TFDP2: variants seen among roughly 807,000 people sequenced by gnomAD.
TFDP2 encodes the protein transcription factor Dp-2 (E2F dimerization partner 2).
Under a neutral mutation model 59.3 loss-of-function variants are expected in TFDP2, and 17 were observed. The ratio of observed to expected loss-of-function variants is 0.29; its 90% CI spans 0.20 to 0.43. The LOEUF (loss-of-function observed/expected upper bound fraction) is 0.43, where lower values mean the gene tolerates loss of function less well. Ranked by LOEUF, TFDP2 falls within the 20% of genes least tolerant of loss-of-function variation. The probability of loss-of-function intolerance (pLI) is 1.00; values close to 1 mark genes in which losing one functional copy is unlikely to be tolerated. For missense variants in TFDP2, 391 were observed against 528.8 expected, an observed-to-expected ratio of 0.74 and a Z score of 2.56; for synonymous variants, 180 against 194.7, an observed-to-expected ratio of 0.92 and a Z score of 0.63.
intron 1 of TFDP2, among the ~76,000 whole-genome samples, chr3:142,116,637 T>C (rs1206521779): frequency 6.6e-6 from 1 of 152,200 alleles, no homozygotes; most frequent in Non-Finnish European, 1.5e-5. Flanking sequence ...CATTTTGTTA[T>C]GGTGGTCCTA....
chr3:142,065,490 C>G (rs757194588), intron 3 of TFDP2, among the ~76,000 whole-genome samples: 5 of 148,280 alleles, frequency 3.4e-5, no homozygotes, highest in East Asian at 4.0e-4. Context: ...ACCATTCACT[C>G]TGTGTGTGTG....
At chr3:142,119,598 T>C (rs752542452) in intron 1 of TFDP2, among the ~76,000 whole-genome samples, 11 of 152,346 alleles carry the variant, frequency 7.2e-5, no homozygotes, top group Non-Finnish European at 1.2e-4. Flanking sequence ...TTAAAGTAGC[T>C]GGGTGTGGTG....
In TFDP2 at chr3:141,952,474, A is replaced by G; in HGVS notation, c.*39T>C. On this transcript the variant is annotated 3_prime_UTR_variant, in exon 13 of 13. Coordinates refer to ENST00000489671, the MANE Select transcript of TFDP2 (RefSeq NM_001178139.2). ...ACAAGAGCTCACACTACAAACACAC[A>G]TGAGCATCACATATTGAAACGTAGG... The G allele has an allele frequency of 2.7e-6, 4 of 1,489,090 alleles. No individual in the cohort carries two copies. The highest frequency in any genetic ancestry group is 3.6e-4 in the Middle Eastern group (2 of 5,562). The allele number at this position is 1,489,090 out of a possible 1,614,324, so 92.2% of individuals were successfully genotyped here.
chr3:142,138,894 G>A (rs962523175), intron 1 of TFDP2, among the ~76,000 whole-genome samples: 1 of 152,186 alleles, frequency 6.6e-6, no homozygotes, highest in Non-Finnish European at 1.5e-5. Context: ...TCCACTTGGT[G>A]CAGAACTGAG....
At chr3:142,040,114 A>AACACACAC (rs61576382) in intron 3 of TFDP2, among the ~76,000 whole-genome samples, 1 of 150,314 alleles carries the variant, frequency 6.7e-6, no homozygotes, top group Non-Finnish European at 1.5e-5. Context: ...CACAAAATAA[A>AACACACAC]ACACACACAC....
At chr3:142,049,333 A>G (rs1947497923) in intron 3 of TFDP2, among the ~76,000 whole-genome samples, 1 of 152,212 alleles carries the variant, frequency 6.6e-6, no homozygotes, top group South Asian at 2.1e-4. Context: ...AATCAATATA[A>G]TTCCCCATAT....
chr3:142,105,649 A>G (rs569221211), intron 1 of TFDP2, among the ~76,000 whole-genome samples: 1 of 152,326 alleles, frequency 6.6e-6, no homozygotes, highest in East Asian at 1.9e-4. Context: ...ATTTCAGCAC[A>G]ATATAGTAAG....
At chr3:141,954,840 A>G (rs898005000) in intron 11 of TFDP2, among the ~76,000 whole-genome samples, 1 of 152,168 alleles carries the variant, frequency 6.6e-6, no homozygotes, top group Non-Finnish European at 1.5e-5. Context: ...CTATACAAAA[A>G]AATGAAACTA....
At chr3:142,066,047 A>G (rs769578422) in intron 3 of TFDP2, among the ~76,000 whole-genome samples, 1 of 151,908 alleles carries the variant, frequency 6.6e-6, no homozygotes, top group Non-Finnish European at 1.5e-5. Context: ...TCCCTTTCCA[A>G]CTCCCTTTAA....
chr3:142,020,248 C>T (rs1257876940), intron 3 of TFDP2, among the ~76,000 whole-genome samples: 1 of 152,124 alleles, frequency 6.6e-6, no homozygotes, highest in African/African-American at 2.4e-5. Context: ...TCAAAAATAA[C>T]TCTTGGGCCA....
intron 4 of TFDP2, chr3:142,000,301 G>A (rs529808281): frequency 1.4e-6 from 1 of 702,886 alleles, no homozygotes; most frequent in Admixed American, 2.0e-5. Context: ...GGCAGATTCA[G>A]TGCCTGGTGA....
chr3:142,082,554 C>A (rs1186369787), intron 3 of TFDP2, among the ~76,000 whole-genome samples: 2 of 151,964 alleles, frequency 1.3e-5, no homozygotes, highest in Non-Finnish European at 2.9e-5. Context: ...CAAAACCAGA[C>A]AAAGAAACAT....
intron 1 of TFDP2, among the ~76,000 whole-genome samples, chr3:142,128,261 CT>C (rs1224598301): frequency 6.6e-6 from 1 of 152,130 alleles, no homozygotes; most frequent in South Asian, 2.1e-4. Flanking sequence ...AATGGTTTAC[CT>C]TTTAAGGACA....
intron 1 of TFDP2, among the ~76,000 whole-genome samples, chr3:142,122,483 T>C (rs982145218): frequency 6.6e-6 from 1 of 152,184 alleles, no homozygotes; most frequent in South Asian, 2.1e-4. Context: ...GAGACTATCA[T>C]GCAGAAAGTT....
intron 1 of TFDP2, among the ~76,000 whole-genome samples, chr3:142,113,503 G>A (rs1372898230): frequency 6.6e-6 from 1 of 151,886 alleles, no homozygotes. Flanking sequence ...CTCATGATCC[G>A]CCCCGCCTCA....
At position 142,110,758 on chromosome 3, in the gene TFDP2, C is replaced by T. The variant is rs1042098295; in HGVS notation, c.-92-8917G>A. On this transcript the variant is annotated intron_variant, in intron 1 of 12. Transcript: ENST00000489671. ...CTTGAGCCTAGGAGTTTCACTCTAG[C>T]GTGGGCAAAATAGTATGATCCTATC... 7.9e-5 allele frequency among the ~76,000 whole-genome samples: 12 copies of T among 151,754 alleles called. No homozygotes were observed. The East Asian group carries it at 9.8e-4, about 12-fold the overall frequency.
intron 3 of TFDP2, among the ~76,000 whole-genome samples, chr3:142,021,393 T>C (rs1033355421): frequency 3.3e-5 from 5 of 152,196 alleles, no homozygotes; most frequent in Non-Finnish European, 7.3e-5. Context: ...TGCCAGAACA[T>C]AGAGAACTTT....
intron 2 of TFDP2, among the ~76,000 whole-genome samples, chr3:142,101,474 G>A (rs1354516466): frequency 2.0e-5 from 3 of 152,174 alleles, no homozygotes; most frequent in African/African-American, 2.4e-5. Flanking sequence ...AGGGCAGGGT[G>A]GGAAACCTTC....
intron 9 of TFDP2, among the ~76,000 whole-genome samples, chr3:141,968,526 A>G (rs1455063175): frequency 1.8e-5 from 2 of 110,772 alleles, no homozygotes; most frequent in Non-Finnish European, 3.3e-5. Flanking sequence ...TCTCATATAT[A>G]TAGATATATA....
Sources: gnomAD v4.1 joint callset for allele counts (sites outside exome capture counted in the v4.1 genomes callset) on GRCh38, gnomAD v4.1.1 for gene constraint, MANE v1.5 for transcripts, NCBI Gene and HGNC (gene_info 2026-07-23, HGNC 2026-07-21) for gene names.